The following USP13 variants were observed in gnomAD, a reference collection of about 807,000 sequenced individuals.
USP13 encodes the protein ubiquitin specific peptidase 13, also known as ubiquitin carboxyl-terminal hydrolase 13.
USP13 carries 68 observed loss-of-function variants against 107.8 expected under a neutral mutation model. The observed-to-expected ratio is 0.63, with a 90% CI of 0.52 to 0.77. USP13 has a LOEUF of 0.77. USP13 is among the 30% of genes least tolerant of loss of function. USP13 has a pLI of 0.00. For synonymous variants in USP13, 377 were observed against 389.5 expected, an observed-to-expected ratio of 0.97 and a Z score of 0.38; for missense variants, 945 against 1,093.3, an observed-to-expected ratio of 0.86 and a Z score of 1.91.
chr3:179,670,163 C>T (rs891419817), intron 1 of USP13, among the ~76,000 whole-genome samples: 3 of 152,194 alleles, frequency 2.0e-5, no homozygotes, highest in Non-Finnish European at 4.4e-5. Context: ...GACTGCTCAT[C>T]ATCTTTGAAG....
At chr3:179,730,524 C>A in intron 9 of USP13, 92 bp from the exon 10 acceptor site, 3 of 1,055,676 alleles carry the variant, frequency 2.8e-6, no homozygotes, top group Non-Finnish European at 4.2e-6. Flanking sequence ...CACCTAACAG[C>A]AGTTGTACTT....
intron 1 of USP13, among the ~76,000 whole-genome samples, chr3:179,680,037 T>C (rs944441662): frequency 6.6e-6 from 1 of 151,932 alleles, no homozygotes; most frequent in African/African-American, 2.4e-5. Flanking sequence ...TAGCTGGGTA[T>C]GGTGGCACGT....
intron 19 of USP13, among the ~76,000 whole-genome samples, chr3:179,775,864 G>A (rs938698870): frequency 2.6e-5 from 4 of 152,090 alleles, no homozygotes; most frequent in African/African-American, 9.7e-5. Context: ...CTCCACCTGC[G>A]CCTCTCCCTC....
chr3:179,748,296 T>C (rs1714480449), intron 13 of USP13, among the ~76,000 whole-genome samples: 1 of 152,254 alleles, frequency 6.6e-6, no homozygotes, highest in East Asian at 1.9e-4. Flanking sequence ...CCTTACATTT[T>C]TGTAGAGCCT....
intron 19 of USP13, among the ~76,000 whole-genome samples, chr3:179,775,988 G>A (rs971981252): frequency 3.3e-5 from 5 of 152,178 alleles, no homozygotes; most frequent in Admixed American, 6.5e-5. Flanking sequence ...CAGATGTCAC[G>A]GTCGAGGAGG....
At chr3:179,768,888 G>A (rs887853872) in intron 19 of USP13, among the ~76,000 whole-genome samples, 10 of 152,258 alleles carry the variant, frequency 6.6e-5, no homozygotes, top group Non-Finnish European at 1.2e-4. Context: ...CATATTGTGA[G>A]TTGTTGCTTT....
chr3:179,680,821 A>ACTTTCTTTCTTCTATCTTTCTCTTCCTT (rs1560046343), intron 1 of USP13, among the ~76,000 whole-genome samples: 1,649 of 146,822 alleles, frequency 0.011, 86 homozygotes, highest in East Asian at 0.015. Flanking sequence ...GATTACAGGC[A>ACTTTCTTTCTTCTATCTTTCTCTTCCTT]TGAGTCACCG....
Position 179,757,046 on chromosome 3 carries a change from T to A in USP13, c.1922-6T>A. 1 of 1,614,086 alleles carries A rather than the reference T, an allele frequency of 6.2e-7. No homozygotes were observed. Among genetic ancestry groups the A allele is most frequent in the Non-Finnish European group, 8.5e-7 (1 of 1,179,954 alleles). On this transcript the variant is annotated splice_region_variant and splice_polypyrimidine_tract_variant and intron_variant, in intron 15 of 20. Transcript: ENST00000263966. ...CTCATTTTCTGTCCTCTCCCTTAAT[T>A]TCCAGATCGCCTGATGAACCAATTG...
In USP13 at chr3:179,745,229, T is replaced by G; in HGVS notation, c.1709+12T>G. ...TCTGCGGGTGTGAAGTAAGTGTGTG[T>G]ATATGTGGTGGCAGTGGGGTGAGGA... On this transcript the variant is annotated intron_variant, in intron 13 of 20. Transcript: ENST00000263966. 1 of 1,612,160 alleles carries G rather than the reference T, an allele frequency of 6.2e-7. No homozygotes were observed. Among genetic ancestry groups the G allele is most frequent in the Non-Finnish European group, 8.5e-7 (1 of 1,179,332 alleles).
chr3:179,662,255 C>G (rs777327583), intron 1 of USP13, among the ~76,000 whole-genome samples: 1 of 152,168 alleles, frequency 6.6e-6, no homozygotes, highest in Admixed American at 6.5e-5. Flanking sequence ...TAGAGAATCA[C>G]TCTCTAGTTC....
At chr3:179,706,780 A>G (rs1712731493) in intron 4 of USP13, among the ~76,000 whole-genome samples, 154 bp from the exon 5 acceptor site, 1 of 152,220 alleles carries the variant, frequency 6.6e-6, no homozygotes, top group Admixed American at 6.5e-5. Context: ...TGATCCAGGG[A>G]AAGTGCAGGA....
At chr3:179,716,266 C>T (rs1294713653) in intron 6 of USP13, among the ~76,000 whole-genome samples, 2 of 152,130 alleles carry the variant, frequency 1.3e-5, no homozygotes, top group African/African-American at 4.8e-5. Context: ...TACATCCTTA[C>T]CTCTCTCTCC....
At chr3:179,692,337 C>T (rs1050785495) in intron 3 of USP13, among the ~76,000 whole-genome samples, 13 of 152,210 alleles carry the variant, frequency 8.5e-5, no homozygotes, top group African/African-American at 2.9e-4. Flanking sequence ...AGCTGAGTTT[C>T]TTTCCTGGTT....
chr3:179,772,019 A>C (rs1184243085), intron 19 of USP13, among the ~76,000 whole-genome samples: 2 of 152,278 alleles, frequency 1.3e-5, no homozygotes, highest in East Asian at 3.9e-4. Context: ...AGTGGTGACA[A>C]AGCTAAGTGG....
At chr3:179,656,488 C>T (rs1197415064) in intron 1 of USP13, among the ~76,000 whole-genome samples, 1 of 152,232 alleles carries the variant, frequency 6.6e-6, no homozygotes, top group East Asian at 1.9e-4. Context: ...TTCCCTTCTT[C>T]CCACCTCCTA....
intron 5 of USP13, 66 bp downstream of exon 5, chr3:179,707,142 ACTT>A (rs1712750643): frequency 2.6e-6 from 4 of 1,516,096 alleles, no homozygotes; most frequent in South Asian, 2.6e-5. Flanking sequence ...TTTGTTTTCT[ACTT>A]CTTTTTTGAA....
At position 179,721,385 on chromosome 3, in the gene USP13, C is replaced by T. The variant is rs755175841; in HGVS notation, c.901-17C>T. 1.1e-5 allele frequency: 17 copies of T among 1,605,032 alleles called. No individual in the cohort carries two copies. The highest frequency in any genetic ancestry group is 1.7e-4 in the Middle Eastern group (1 of 6,010). On this transcript the variant is annotated splice_polypyrimidine_tract_variant and intron_variant, in intron 7 of 20. Transcript: ENST00000263966. This position sits in a 1 kb window ranked among gnomAD's most constrained non-coding sequence, Gnocchi z 4.3. ...AATCACATTTAAAGTTGTTTTTCTT[C>T]GATGACTTTGTCTCAGACAGAGAAT...
intron 5 of USP13, 80 bp from the exon 6 acceptor site, chr3:179,708,693 T>TTGA: frequency 6.5e-7 from 1 of 1,544,592 alleles, no homozygotes; most frequent in Non-Finnish European, 8.8e-7. Flanking sequence ...ACCTGCCTAC[T>TTGA]TGAAACCCTC....
intron 1 of USP13, among the ~76,000 whole-genome samples, chr3:179,672,802 T>A (rs902657686): frequency 5.9e-5 from 9 of 152,220 alleles, no homozygotes; most frequent in Non-Finnish European, 1.2e-4. Context: ...ATTTCTTGAC[T>A]TTCTTCTGAT....
Sources: allele counts gnomAD v4.1 joint callset (sites outside exome capture counted in the v4.1 genomes callset), GRCh38; gene constraint gnomAD v4.1.1; non-coding constraint Gnocchi (gnomAD v3.1); transcripts MANE v1.5; gene names NCBI Gene and HGNC (gene_info 2026-07-23, HGNC 2026-07-21).